The following SHISA4 variants were observed in gnomAD, a reference collection of about 807,000 sequenced individuals.
SHISA4 encodes protein shisa-4.
In SHISA4, 16 loss-of-function variants were observed where a neutral mutation model predicts 24.2. The ratio of observed to expected loss-of-function variants is 0.66; its 90% CI spans 0.45 to 1.00. The LOEUF (loss-of-function observed/expected upper bound fraction) is 1.00, where lower values mean the gene tolerates loss of function less well. SHISA4 is among the 50% of genes least tolerant of loss of function. The pLI is 0.00. For missense variants in SHISA4, 238 were observed against 258.9 expected, an observed-to-expected ratio of 0.92 and a Z score of 0.55; for synonymous variants, 106 against 105.4, an observed-to-expected ratio of 1.01 and a Z score of -0.04.
rs1681037361 is a variant in SHISA4 at position 201,888,938 on chromosome 1, T to C, written c.-57T>C. 6 of 1,219,780 alleles carry C rather than the reference T, an allele frequency of 4.9e-6. No homozygotes were observed. The South Asian group carries it at 1.5e-4, about 30-fold the overall frequency. 75.6% of individuals were successfully genotyped at this position (1,219,780 alleles called of 1,614,324 possible). A position where few individuals can be genotyped will look rare whatever the true frequency, so the allele number is the denominator to read the frequency against. ...CCCGCCGCAGCTCCAGCTGGCCGGC[T>C]TGGTCCTGCGGTCCCTTCTCTGGGA... On this transcript the variant is annotated 5_prime_UTR_variant, in exon 1 of 5. Coordinates refer to ENST00000362011, the MANE Select transcript of SHISA4 (RefSeq NM_198149.3).
In SHISA4 at chr1:201,889,792, G is replaced by C. The variant is rs139737447; in HGVS notation, c.245+176G>C. 2.2e-3 allele frequency among the ~76,000 whole-genome samples: 331 copies of C among 152,330 alleles called. 1 individual carries two copies. Among genetic ancestry groups the C allele is most frequent in the Non-Finnish European group, 4.2e-3 (286 of 68,034 alleles). On this transcript the variant is annotated intron_variant, in intron 2 of 4. Transcript: ENST00000362011. Reference sequence around the variant, plus strand: ...CTAGGTGCTTAGGTGCTGGTGCCTGGGAGTTCCAGAAAAGGCATGTTAGTT... The same window carrying C: ...CTAGGTGCTTAGGTGCTGGTGCCTGCGAGTTCCAGAAAAGGCATGTTAGTT...
intron 1 of SHISA4, 23 bp downstream of exon 1, chr1:201,889,090 G>A (rs1387516845): frequency 5.0e-6 from 7 of 1,397,452 alleles, no homozygotes; most frequent in Middle Eastern, 1.9e-4. Flanking sequence ...GGAGAGATGC[G>A]GCAGGAGTGG....
rs1681050087 is a variant in SHISA4 at position 201,889,450 on chromosome 1, G to A, written c.79G>A (p.Ala27Thr). ...LLVLGAPLVL[A>T]GEDCLWYLDR... The stretch of plus-strand genomic sequence containing the variant: ...CCCCCAATCCCTGCCCGCAGTGCTG[G>A]CCGGCGAGGACTGCCTGTGGTACCT... Residue 27 changes from alanine to threonine, a missense_variant, in exon 2 of 5, where the codon GCC becomes ACC. Transcript: ENST00000362011. The A allele has an allele frequency of 6.2e-7, 1 of 1,612,666 alleles. No individual in the cohort carries two copies.
chr1:201,889,048 G>C lies in SHISA4; in HGVS notation c.54G>C (p.Leu18Phe). Residue 18 changes from leucine (L) to phenylalanine (F), a missense_variant, in exon 1 of 5, where the codon TTG becomes TTC. Coordinates refer to ENST00000362011, the MANE Select transcript of SHISA4 (RefSeq NM_198149.3). ...RAAPLTAIAL[L>F]VLGAPLVLAG... ...CGCCGCTCACCGCAATCGCTCTGTT[G>C]GTGCTGGGGGCTCCCCTGGGTAAGG... 2.2e-6 allele frequency: 3 copies of C among 1,379,176 alleles called. No individual in the cohort carries two copies. Among genetic ancestry groups the C allele is most frequent in the Non-Finnish European group, 2.8e-6 (3 of 1,063,972 alleles). The allele number at this position is 1,379,176 out of a possible 1,614,324, so 85.4% of individuals were successfully genotyped here. A position where few individuals can be genotyped will look rare whatever the true frequency, so the allele number is the denominator to read the frequency against.
intron 4 of SHISA4, 35 bp downstream of exon 4, chr1:201,891,603 T>G (rs1478534311): frequency 1.3e-6 from 2 of 1,587,142 alleles, no homozygotes; most frequent in South Asian, 2.3e-5. Context: ...TGCTGCTGCC[T>G]TCCCCCACCC....
chr1:201,889,030 C>T lies in SHISA4; in HGVS notation c.36C>T (p.Leu12=). ...PPAGLRRAAP[L]TAIALLVLGA... is the part of the protein sequence containing the mutation. ...CGGGGCTCCGCCGGGCCGCGCCGCT[C>T]ACCGCAATCGCTCTGTTGGTGCTGG... The change falls in exon 1 of 5, where the codon CTC becomes CTT. Residue 12 remains leucine, a synonymous_variant. Transcript: ENST00000362011. 7.2e-7 allele frequency: 1 copy of T among 1,381,678 alleles called. No individual in the cohort carries two copies. 85.6% of individuals were successfully genotyped at this position (1,381,678 alleles called of 1,614,324 possible).
intron 4 of SHISA4, 41 bp downstream of exon 4, chr1:201,891,609 C>T (rs1681101844): frequency 6.3e-7 from 1 of 1,582,174 alleles, no homozygotes; most frequent in African/African-American, 1.3e-5. Context: ...TGCCTTCCCC[C>T]ACCCCTTGCC....
At chr1:201,890,414 T>C (rs1444344461) in intron 2 of SHISA4, 40 bp from the exon 3 acceptor site, 2 of 1,609,314 alleles carry the variant, frequency 1.2e-6, no homozygotes, top group African/African-American at 2.7e-5. Flanking sequence ...CTCCGTCCTA[T>C]GAGTGTTGGA....
chr1:201,889,670 C>G, intron 2 of SHISA4, 54 bp downstream of exon 2: 1 of 1,581,030 alleles, frequency 6.3e-7, no homozygotes, highest in Non-Finnish European at 8.7e-7. Flanking sequence ...TCTCCAGAGG[C>G]CTCCTCTTCC....
Position 201,892,147 on chromosome 1 carries a change from A to C in SHISA4, c.*301A>C. The stretch of plus-strand genomic sequence containing the variant: ...TTCAAATAGTCCCTCTGCTCCCAAG[A>C]TCCCAGCCAGGAAGGCTGGGGCCCT... On this transcript the variant is annotated 3_prime_UTR_variant, in exon 5 of 5. Coordinates refer to ENST00000362011, the MANE Select transcript of SHISA4 (RefSeq NM_198149.3). 1 of 316,042 alleles carries C rather than the reference A, an allele frequency of 3.2e-6. No individual in the cohort carries two copies. 19.6% of individuals were successfully genotyped at this position (316,042 alleles called of 1,614,324 possible). A position where few individuals can be genotyped will look rare whatever the true frequency, so the allele number is the denominator to read the frequency against.
chr1:201,892,009 T>C lies in SHISA4; in HGVS notation c.*163T>C. 1 of 759,314 alleles carries C rather than the reference T, an allele frequency of 1.3e-6. No individual in the cohort carries two copies. The highest frequency in any genetic ancestry group is 2.2e-6 in the Non-Finnish European group (1 of 452,544). The allele number at this position is 759,314 out of a possible 1,614,324, so 47.0% of individuals were successfully genotyped here. On this transcript the variant is annotated 3_prime_UTR_variant, in exon 5 of 5. Coordinates refer to ENST00000362011, the MANE Select transcript of SHISA4 (RefSeq NM_198149.3). ...TACTGGGGACAGAGCCCCAGGGAAG[T>C]GGAACAGGAGCTGAACTAGAACTAT...
At chr1:201,891,346 G>A in intron 3 of SHISA4, 55 bp from the exon 4 acceptor site, 3 of 1,609,134 alleles carry the variant, frequency 1.9e-6, no homozygotes, top group Non-Finnish European at 1.7e-6. Context: ...GGCAGGAGGA[G>A]GAGGCTTCCC....
rs549065796 is a variant in SHISA4 at position 201,891,887 on chromosome 1, C to T, written c.*41C>T. The T allele has an allele frequency of 1.1e-5, 18 of 1,609,686 alleles. No individual in the cohort carries two copies. The highest frequency in any genetic ancestry group is 1.7e-4 in the Middle Eastern group (1 of 6,056). On this transcript the variant is annotated 3_prime_UTR_variant, in exon 5 of 5. Transcript: ENST00000362011. The stretch of plus-strand genomic sequence containing the variant: ...TCTGCTGCCCCTTCAGTGATGCCAA[C>T]CTTGGGAGATGCCCTCATCCTGTAC...
chr1:201,889,014 G>T lies in SHISA4; in HGVS notation c.20G>T (p.Arg7Leu). 2.9e-6 allele frequency: 4 copies of T among 1,378,548 alleles called. No homozygotes were observed. Among genetic ancestry groups the T allele is most frequent in the Non-Finnish European group, 3.8e-6 (4 of 1,066,078 alleles). The allele number at this position is 1,378,548 out of a possible 1,614,324, so 85.4% of individuals were successfully genotyped here. A position where few individuals can be genotyped will look rare whatever the true frequency, so the allele number is the denominator to read the frequency against. Reference protein sequence around the residue: MPPAGLRRAAPLTAIAL... With the variant: MPPAGLLRAAPLTAIAL... Reference sequence around the variant, plus strand: ...CCCACCATGCCACCCGCGGGGCTCCGCCGGGCCGCGCCGCTCACCGCAATC... The same window carrying T: ...CCCACCATGCCACCCGCGGGGCTCCTCCGGGCCGCGCCGCTCACCGCAATC... Residue 7 changes from arginine (R) to leucine (L), a missense_variant, in exon 1 of 5, where the codon CGC becomes CTC. Transcript: ENST00000362011.
chr1:201,891,278 G>C (rs1432036658), intron 3 of SHISA4, 123 bp from the exon 4 acceptor site: 3 of 1,195,656 alleles, frequency 2.5e-6, no homozygotes, highest in East Asian at 4.7e-5. Flanking sequence ...GGGAGGCAAA[G>C]ATGGCCAGCC....
chr1:201,888,805 T>A, upstream of SHISA4: 1 of 384,430 alleles, frequency 2.6e-6, no homozygotes, highest in East Asian at 3.8e-5. Context: ...GTGGGTGGAC[T>A]CCTGGGCGCT....
intron 1 of SHISA4, 187 bp downstream of exon 1, chr1:201,889,254 C>T (rs1040564729): frequency 6.4e-6 from 6 of 934,974 alleles, no homozygotes; most frequent in Admixed American, 2.9e-5. Flanking sequence ...GGAGGCTGAT[C>T]CCGGGGTGCA....
rs1037292087 is a variant in SHISA4, at chr1:201,891,989, G to A, written c.*143G>A. On this transcript the variant is annotated 3_prime_UTR_variant, in exon 5 of 5. Coordinates refer to ENST00000362011, the MANE Select transcript of SHISA4 (RefSeq NM_198149.3). ...CCAAGCCAAGCCCTGGGCCCTACTG[G>A]GGACAGAGCCCCAGGGAAGTGGAAC... is the stretch of plus-strand genomic sequence containing the variant. The A allele has an allele frequency of 1.1e-6, 1 of 911,826 alleles. No homozygotes were observed. Among genetic ancestry groups the A allele is most frequent in the Non-Finnish European group, 1.8e-6 (1 of 569,986 alleles). The allele number at this position is 911,826 out of a possible 1,614,324, so 56.5% of individuals were successfully genotyped here.
Position 201,891,568 on chromosome 1 carries a change from G to A in SHISA4, c.547G>A (p.Ala183Thr), listed in dbSNP as rs944160366. Residue 183 changes from alanine to threonine, a missense_variant and splice_region_variant, in exon 4 of 5, where the codon GCT becomes ACT. Physicochemically the swap from Ala to Thr is moderately conservative, Grantham distance 58 (BLOSUM62 0). Coordinates refer to ENST00000362011, the MANE Select transcript of SHISA4 (RefSeq NM_198149.3). ...TGGGCCCCCAGTCTACAACCCTGCAGGTAAGTAAGCAATCTGGAGCCCCTT... is the reference window on the plus strand; with the variant it reads ...TGGGCCCCCAGTCTACAACCCTGCAAGTAAGTAAGCAATCTGGAGCCCCTT... Reference protein sequence around the residue: ...PAGPPVYNPAAPPPYMPPQPS... With the variant: ...PAGPPVYNPATPPPYMPPQPS... 1 of 1,607,652 alleles carries A rather than the reference G, an allele frequency of 6.2e-7. No homozygotes were observed. The highest frequency in any genetic ancestry group is 1.3e-5 in the African/African-American group (1 of 74,824).
Sources: allele counts gnomAD v4.1 joint callset (sites outside exome capture counted in the v4.1 genomes callset), GRCh38; gene constraint gnomAD v4.1.1; transcripts MANE v1.5; gene names NCBI Gene and HGNC (gene_info 2026-07-23, HGNC 2026-07-21).